ZKSCAN1: variants seen among roughly 807,000 people sequenced by gnomAD.
ZKSCAN1 encodes the protein zinc finger protein with KRAB and SCAN domains 1.
ZKSCAN1 carries 14 observed loss-of-function variants against 51.6 expected under a neutral mutation model. The observed-to-expected ratio is 0.27, with a 90% confidence interval of 0.18 to 0.42. The LOEUF (loss-of-function observed/expected upper bound fraction) is 0.42, where lower values mean the gene tolerates loss of function less well. Ranked by LOEUF, ZKSCAN1 falls within the 10% of genes least tolerant of loss-of-function variation. The pLI is 1.00. For synonymous variants in ZKSCAN1, 263 were observed against 261.5 expected (o/e 1.01, Z -0.06); for missense variants, 531 against 710.0 (o/e 0.75, Z 2.86).
chr7:100,036,285 C>A lies in ZKSCAN1; in HGVS notation c.*2088C>A. The A allele has an allele frequency of 1.0e-6, 1 of 985,374 alleles. No individual in the cohort carries two copies. Among genetic ancestry groups the A allele is most frequent in the Non-Finnish European group, 1.2e-6 (1 of 829,932 alleles). 61.0% of individuals were successfully genotyped at this position (985,374 alleles called of 1,614,324 possible). On this transcript the variant is annotated 3_prime_UTR_variant, in exon 6 of 6. Transcript: ENST00000324306. ...TTCTACCCATGCAACGGAAGAAAAA[C>A]CCATTACTCCAGAAGAGTATATCTA... is the stretch of plus-strand genomic sequence containing the variant.
chr7:100,029,823 G>A (rs763741188), intron 3 of ZKSCAN1, 38 bp from the exon 4 acceptor site: 12 of 1,593,990 alleles, frequency 7.5e-6, no homozygotes, highest in African/African-American at 6.7e-5. Flanking sequence ...GGCTCAGAGC[G>A]GAGCTGATTT....
rs1209692861 is a variant in ZKSCAN1, at chr7:100,034,491, A to G, written c.*294A>G. 3 of 1,119,858 alleles carry G rather than the reference A, an allele frequency of 2.7e-6. No individual in the cohort carries two copies. Among genetic ancestry groups the G allele is most frequent in the Admixed American group, 4.4e-5 (1 of 22,670 alleles). The allele number at this position is 1,119,858 out of a possible 1,614,324, so 69.4% of individuals were successfully genotyped here. ...AATGTCAGTCTTTTCAGTAATGAGGATACCTTTAAGGCACTCTTGGACTCT... is the reference window on the plus strand; with the variant it reads ...AATGTCAGTCTTTTCAGTAATGAGGGTACCTTTAAGGCACTCTTGGACTCT... On this transcript the variant is annotated 3_prime_UTR_variant, in exon 6 of 6. Transcript: ENST00000324306.
At chr7:100,044,905 T>C, downstream of ZKSCAN1, 6 of 985,192 alleles carry the variant, frequency 6.1e-6, no homozygotes, top group Non-Finnish European at 7.2e-6. Flanking sequence ...GAAGTCACGG[T>C]TTGGTTACCC....
At chr7:100,041,831 A>C, downstream of ZKSCAN1, 1 of 834,756 alleles carries the variant, frequency 1.2e-6, no homozygotes, top group Non-Finnish European at 1.4e-6. Context: ...ATGCAAAACT[A>C]TCTGTTTACT....
At chr7:100,042,166 A>C (rs1460823954), downstream of ZKSCAN1, among the ~76,000 whole-genome samples, 4 of 152,010 alleles carry the variant, frequency 2.6e-5, no homozygotes, top group Non-Finnish European at 5.9e-5. Flanking sequence ...TAAAAATACA[A>C]AAATTAACCA....
chr7:100,037,392 T>C lies in ZKSCAN1; in HGVS notation c.*3195T>C, dbSNP rs1389797445. 1.0e-6 allele frequency: 1 copy of C among 985,332 alleles called. No homozygotes were observed. The highest frequency in any genetic ancestry group is 1.1e-4 in the East Asian group (1 of 8,830). 61.0% of individuals were successfully genotyped at this position (985,332 alleles called of 1,614,324 possible). On this transcript the variant is annotated 3_prime_UTR_variant, in exon 6 of 6. Coordinates refer to ENST00000324306, the MANE Select transcript of ZKSCAN1 (RefSeq NM_003439.4). Reference sequence around the variant, plus strand: ...AGGCTAAAACCTGAGATTATCGATCTATGAGACATCTTGATATGTAAAGCA... The same window carrying C: ...AGGCTAAAACCTGAGATTATCGATCCATGAGACATCTTGATATGTAAAGCA...
rs1326468771 is a variant in ZKSCAN1, at chr7:100,038,066, A to C, written c.*3869A>C. Reference sequence around the variant, plus strand: ...GGGTGCTCAATCTTAACTGCAGAGGATCTACAGATGAAAAAAAATGTGGGG... The same window carrying C: ...GGGTGCTCAATCTTAACTGCAGAGGCTCTACAGATGAAAAAAAATGTGGGG... On this transcript the variant is annotated 3_prime_UTR_variant, in exon 6 of 6. Transcript: ENST00000324306. The C allele has an allele frequency of 2.0e-6, 2 of 985,020 alleles. No homozygotes were observed. Among genetic ancestry groups the C allele is most frequent in the Non-Finnish European group, 2.4e-6 (2 of 829,798 alleles). 61.0% of individuals were successfully genotyped at this position (985,020 alleles called of 1,614,324 possible).
chr7:100,039,596 A>T lies in ZKSCAN1; in HGVS notation c.*5399A>T. ...TTTTATCCTAGAGTCAGTCACTTTT[A>T]TTCCAGGTAGTCATGCTGATCTGCT... On this transcript the variant is annotated 3_prime_UTR_variant, in exon 6 of 6. Transcript: ENST00000324306. 1 of 985,414 alleles carries T rather than the reference A, an allele frequency of 1.0e-6. No homozygotes were observed. The allele number at this position is 985,414 out of a possible 1,614,324, so 61.0% of individuals were successfully genotyped here.
chr7:100,024,013 A>T, intron 2 of ZKSCAN1, 81 bp downstream of exon 2: 1 of 1,520,986 alleles, frequency 6.6e-7, no homozygotes, highest in Non-Finnish European at 8.8e-7. Flanking sequence ...GGCAGGCTTT[A>T]GGTTATTAGG....
chr7:100,034,744 A>T lies in ZKSCAN1; in HGVS notation c.*547A>T, dbSNP rs1791275026. On this transcript the variant is annotated 3_prime_UTR_variant, in exon 6 of 6. Coordinates refer to ENST00000324306, the MANE Select transcript of ZKSCAN1 (RefSeq NM_003439.4). ...CACTGGTAGCCTACCAAAGCTGTAG[A>T]AATCTAGGACTGTGCTAATCAGTAT... The T allele has an allele frequency of 5.1e-6, 1 of 196,118 alleles. No individual in the cohort carries two copies. The allele number at this position is 196,118 out of a possible 1,614,324, so 12.1% of individuals were successfully genotyped here.
chr7:100,024,492 G>C, intron 3 of ZKSCAN1, 185 bp downstream of exon 3: 1 of 728,078 alleles, frequency 1.4e-6, no homozygotes, highest in South Asian at 1.9e-5. Flanking sequence ...TACGCAGGAG[G>C]CTGAGGTGGG....
intron 1 of ZKSCAN1, among the ~76,000 whole-genome samples, chr7:100,016,280 C>T (rs1387959436): frequency 6.6e-6 from 1 of 152,014 alleles, no homozygotes; most frequent in Non-Finnish European, 1.5e-5. Flanking sequence ...TATTTGAAGC[C>T]TAGTCATAGT....
downstream of ZKSCAN1, chr7:100,041,771 A>C: frequency 1.0e-6 from 1 of 979,590 alleles, no homozygotes; most frequent in Non-Finnish European, 1.2e-6. Flanking sequence ...AAGAAAAAAA[A>C]GTATTCCAAA....
In ZKSCAN1 at chr7:100,033,249, C is replaced by CA. The variant is rs1182475762; in HGVS notation, c.800-55dup. On this transcript the variant is annotated intron_variant, in intron 5 of 5. Coordinates refer to ENST00000324306, the MANE Select transcript of ZKSCAN1 (RefSeq NM_003439.4). This position sits in a 1 kb window ranked among gnomAD's most constrained non-coding sequence, Gnocchi z 4.1. Reference sequence around the variant, plus strand: ...CTTCTCGGGAAACTGTCGCTTGACCCACCTGTATATTCAAAAGAAAAAGGT... The same window carrying CA: ...CTTCTCGGGAAACTGTCGCTTGACCCAACCTGTATATTCAAAAGAAAAAGGT... The CA allele has an allele frequency of 1.5e-5, 23 of 1,517,016 alleles. No individual in the cohort carries two copies. The East Asian group carries it at 2.8e-4, about 19-fold the overall frequency. The allele number at this position is 1,517,016 out of a possible 1,614,324, so 94.0% of individuals were successfully genotyped here. A position where few individuals can be genotyped will look rare whatever the true frequency, so the allele number is the denominator to read the frequency against.
intron 1 of ZKSCAN1, among the ~76,000 whole-genome samples, chr7:100,016,322 T>C (rs990553967): frequency 6.6e-6 from 1 of 152,008 alleles, no homozygotes; most frequent in Non-Finnish European, 1.5e-5. Flanking sequence ...CTAGTAGAGA[T>C]TATATACACC....
intron 3 of ZKSCAN1, among the ~76,000 whole-genome samples, chr7:100,025,161 G>A (rs570297357): frequency 4.0e-5 from 6 of 151,838 alleles, no homozygotes; most frequent in African/African-American, 1.4e-4. Context: ...AAAGTATTGG[G>A]AACAGATGTC....
chr7:100,044,794 T>C (rs1302724648), downstream of ZKSCAN1: 3 of 985,162 alleles, frequency 3.0e-6, no homozygotes, highest in African/African-American at 1.7e-5. Flanking sequence ...CAAATGTCTT[T>C]GCAGCTTTCC....
Position 100,037,847 on chromosome 7 carries a change from C to A in ZKSCAN1, c.*3650C>A. On this transcript the variant is annotated 3_prime_UTR_variant, in exon 6 of 6. Coordinates refer to ENST00000324306, the MANE Select transcript of ZKSCAN1 (RefSeq NM_003439.4). Reference sequence around the variant, plus strand: ...CCTGGCCAACATGGTGAAACCTTGTCTCTACTAAAAATACAAAAAAAAATT... The same window carrying A: ...CCTGGCCAACATGGTGAAACCTTGTATCTACTAAAAATACAAAAAAAAATT... The A allele has an allele frequency of 1.5e-6, 1 of 685,582 alleles. No homozygotes were observed. The highest frequency in any genetic ancestry group is 1.8e-6 in the Non-Finnish European group (1 of 556,828). The allele number at this position is 685,582 out of a possible 1,614,324, so 42.5% of individuals were successfully genotyped here.
Position 100,034,597 on chromosome 7 carries a change from A to G in ZKSCAN1, c.*400A>G. The G allele has an allele frequency of 3.0e-6, 3 of 993,806 alleles. No individual in the cohort carries two copies. The allele number at this position is 993,806 out of a possible 1,614,324, so 61.6% of individuals were successfully genotyped here. ...GGAGGTTAGGATGCTACTTGCTGCAAACAAGCCCTACTTTGGCCAACATCC... is the reference window on the plus strand; with the variant it reads ...GGAGGTTAGGATGCTACTTGCTGCAGACAAGCCCTACTTTGGCCAACATCC... On this transcript the variant is annotated 3_prime_UTR_variant, in exon 6 of 6. Coordinates refer to ENST00000324306, the MANE Select transcript of ZKSCAN1 (RefSeq NM_003439.4).
Sources: allele counts gnomAD v4.1 joint callset (sites outside exome capture counted in the v4.1 genomes callset), GRCh38; gene constraint gnomAD v4.1.1; non-coding constraint Gnocchi (gnomAD v3.1); transcripts MANE v1.5; gene names NCBI Gene and HGNC (gene_info 2026-07-23, HGNC 2026-07-21).